Variants in SYT1 observed in about 807,000 individuals in gnomAD.
SYT1 encodes the protein synaptotagmin-1.
In SYT1, 8 loss-of-function variants were observed where a neutral mutation model predicts 44.8. The ratio of observed to expected loss-of-function variants is 0.18; its 90% CI spans 0.10 to 0.32. SYT1 has a LOEUF of 0.32. Ranked by LOEUF, SYT1 falls within the 10% of genes least tolerant of loss-of-function variation. The pLI is 1.00. For synonymous variants in SYT1, 154 were observed against 188.8 expected, an observed-to-expected ratio of 0.82 and a Z score of 1.51; for missense variants, 286 against 509.3, an observed-to-expected ratio of 0.56 and a Z score of 4.22.
chr12:79,445,990 C>CACATATATAT (rs1351149858), intron 10 of SYT1, among the ~76,000 whole-genome samples: 7 of 44,152 alleles, frequency 1.6e-4, no homozygotes, highest in Non-Finnish European at 2.2e-4. Context: ...AATCCAAAGA[C>CACATATATAT]ATATATATAT....
chr12:79,095,778 CA>C (rs906515011), intron 3 of SYT1, among the ~76,000 whole-genome samples: 1 of 151,878 alleles, frequency 6.6e-6, no homozygotes, highest in Non-Finnish European at 1.5e-5. Context: ...CTGGGCTCAC[CA>C]AAACTGTTAG....
At chr12:79,315,206 A>G (rs1041948192) in intron 8 of SYT1, among the ~76,000 whole-genome samples, 3 of 152,076 alleles carry the variant, frequency 2.0e-5, no homozygotes, top group Non-Finnish European at 4.4e-5. Context: ...TTTTTATATT[A>G]AATACAATTA....
At chr12:78,893,709 A>T (rs992749494) in intron 1 of SYT1, among the ~76,000 whole-genome samples, 1 of 151,786 alleles carries the variant, frequency 6.6e-6, no homozygotes, top group African/African-American at 2.4e-5. Flanking sequence ...AACTAAAAAG[A>T]TAGGTTTAAG....
intron 1 of SYT1, among the ~76,000 whole-genome samples, chr12:78,922,620 C>T (rs1462943813): frequency 6.6e-6 from 1 of 151,808 alleles, no homozygotes; most frequent in Non-Finnish European, 1.5e-5. Context: ...ATCATAGAGC[C>T]TCTGTTGAAA....
At chr12:79,020,124 C>A (rs892300629) in intron 2 of SYT1, among the ~76,000 whole-genome samples, 3 of 152,070 alleles carry the variant, frequency 2.0e-5, no homozygotes, top group Non-Finnish European at 4.4e-5. Context: ...GCTTTTGTGA[C>A]CTTGAATGCA....
At chr12:78,981,838 T>A (rs1869286904) in intron 2 of SYT1, among the ~76,000 whole-genome samples, 1 of 152,198 alleles carries the variant, frequency 6.6e-6, no homozygotes, top group African/African-American at 2.4e-5. Context: ...AATATTTTGT[T>A]GTATTTGAAT....
At chr12:79,427,166 A>G (rs762978631) in intron 9 of SYT1, among the ~76,000 whole-genome samples, 5 of 152,214 alleles carry the variant, frequency 3.3e-5, no homozygotes, top group Non-Finnish European at 7.3e-5. Context: ...TATTCCAGCT[A>G]ATAATTTTTG....
intron 3 of SYT1, among the ~76,000 whole-genome samples, chr12:79,051,720 T>C (rs534014367): frequency 2.6e-5 from 4 of 152,168 alleles, no homozygotes; most frequent in African/African-American, 9.6e-5. Context: ...CAAGATTCTC[T>C]GAGATTGGAT....
chr12:79,059,588 A>G (rs1026653441), intron 3 of SYT1, among the ~76,000 whole-genome samples: 2 of 152,118 alleles, frequency 1.3e-5, no homozygotes, highest in African/African-American at 2.4e-5. Context: ...AACTCTGGAT[A>G]TAAATATAAC....
chr12:79,315,994 C>G (rs74363678), intron 8 of SYT1, among the ~76,000 whole-genome samples: 1 of 152,194 alleles, frequency 6.6e-6, no homozygotes, highest in Non-Finnish European at 1.5e-5. Context: ...CTTTTCCAGA[C>G]CTTTTTCCTA....
In SYT1 at chr12:79,000,966, G is replaced by C. The variant is rs183013027; in HGVS notation, c.-84+23035G>C. On this transcript the variant is annotated intron_variant, in intron 2 of 10. Transcript: ENST00000261205. Reference sequence around the variant, plus strand: ...AGCAATCTTAGCCACACTGTCAACAGAAAGTTTCAAATACATTGGATAATT... The same window carrying C: ...AGCAATCTTAGCCACACTGTCAACACAAAGTTTCAAATACATTGGATAATT... Among the ~76,000 whole-genome samples the C allele has an allele frequency of 1.2e-3, 178 of 152,194 alleles. 1 individual carries two copies. The highest frequency in any genetic ancestry group is 2.0e-3 in the Non-Finnish European group (133 of 67,990).
At chr12:78,868,891 A>T (rs1356470164) in intron 1 of SYT1, 2 of 151,834 alleles carry the variant, frequency 1.3e-5, no homozygotes, top group African/African-American at 4.8e-5. Context: ...TCAGTACAAG[A>T]TGATGCACTT....
intron 2 of SYT1, among the ~76,000 whole-genome samples, chr12:79,006,234 T>C (rs1051028576): frequency 6.6e-6 from 1 of 152,164 alleles, no homozygotes; most frequent in African/African-American, 2.4e-5. Flanking sequence ...TGACCATGTA[T>C]GAAGATCACT....
chr12:78,883,167 A>T (rs966488009), intron 1 of SYT1, among the ~76,000 whole-genome samples: 4 of 151,708 alleles, frequency 2.6e-5, no homozygotes, highest in African/African-American at 9.7e-5. Context: ...TTATAATGTT[A>T]TAACAGTGAA....
At chr12:79,448,481 G>T (rs1157097113) in intron 10 of SYT1, among the ~76,000 whole-genome samples, 1 of 152,058 alleles carries the variant, frequency 6.6e-6, no homozygotes, top group Non-Finnish European at 1.5e-5. Flanking sequence ...CAAATAGAGT[G>T]GGCTGAACAC....
intron 3 of SYT1, among the ~76,000 whole-genome samples, chr12:79,082,232 G>C (rs1243204120): frequency 6.6e-6 from 1 of 152,080 alleles, no homozygotes; most frequent in East Asian, 1.9e-4. Flanking sequence ...TTTTAAAAAT[G>C]TTTGTGGGTT....
intron 3 of SYT1, among the ~76,000 whole-genome samples, chr12:79,158,342 C>G (rs947415316): frequency 1.3e-5 from 2 of 152,078 alleles, no homozygotes; most frequent in African/African-American, 4.8e-5. Context: ...AGGGTTGGCC[C>G]TCCTGGAAGT....
At chr12:79,185,654 C>G (rs1395029594) in intron 3 of SYT1, among the ~76,000 whole-genome samples, 1 of 151,978 alleles carries the variant, frequency 6.6e-6, no homozygotes, top group African/African-American at 2.4e-5. Flanking sequence ...ATTATATCAG[C>G]TAACTACTAG....
At chr12:78,891,664 AC>A (rs1423647765) in intron 1 of SYT1, among the ~76,000 whole-genome samples, 9 of 151,928 alleles carry the variant, frequency 5.9e-5, no homozygotes, top group Admixed American at 5.9e-4. Flanking sequence ...AACTTAAGAC[AC>A]CTCAGAACAT....
Sources: allele counts gnomAD v4.1 joint callset (sites outside exome capture counted in the v4.1 genomes callset), GRCh38; gene constraint gnomAD v4.1.1; transcripts MANE v1.5; gene names NCBI Gene and HGNC (gene_info 2026-07-23, HGNC 2026-07-21).